The following HTR2A variants were observed in gnomAD, a reference collection of about 807,000 sequenced individuals.
HTR2A encodes 5-hydroxytryptamine receptor 2A.
Under a neutral mutation model 31.0 loss-of-function variants are expected in HTR2A, and 14 were observed. The ratio of observed to expected loss-of-function variants is 0.45; its 90% confidence interval spans 0.30 to 0.71. The LOEUF is 0.71. HTR2A is among the 30% of genes least tolerant of loss of function. The pLI is 0.09. For synonymous variants in HTR2A, 209 were observed against 225.2 expected (o/e 0.93, Z 0.64); for missense variants, 442 against 573.3 (o/e 0.77, Z 2.34).
At chr13:46,872,330 AT>A (rs5803378) in intron 3 of HTR2A, among the ~76,000 whole-genome samples, 25,475 of 152,220 alleles carry the variant, frequency 0.17, 2,364 homozygotes, top group Admixed American at 0.2. Flanking sequence ...TGCATGGTTT[AT>A]TTGACCACTC....
Position 46,896,799 on chromosome 13 carries a change from T to C in HTR2A, c.-454A>G. 6.5e-7 allele frequency: 1 copy of C among 1,537,074 alleles called. No individual in the cohort carries two copies. Among genetic ancestry groups the C allele is most frequent in the Non-Finnish European group, 8.7e-7 (1 of 1,146,828 alleles). ...TTCCACCAGCATAATATGATAGTAATTTGGTTTCTGTTTTGCTGACTTCAA... is the reference window on the plus strand; with the variant it reads ...TTCCACCAGCATAATATGATAGTAACTTGGTTTCTGTTTTGCTGACTTCAA... On this transcript the variant is annotated 5_prime_UTR_variant, in exon 1 of 4. Coordinates refer to ENST00000542664, the MANE Select transcript of HTR2A (RefSeq NM_000621.5).
In HTR2A at chr13:46,895,450, C is replaced by G. The variant is rs533727119; in HGVS notation, c.412+45G>C. 5 of 1,579,640 alleles carry G rather than the reference C, an allele frequency of 3.2e-6. No homozygotes were observed. Among genetic ancestry groups the G allele is most frequent in the African/African-American group, 2.7e-5 (2 of 74,562 alleles). Reference sequence around the variant, plus strand: ...CATCTGCTGGTGGCATGCACATGCTCTTTATTACCAGTGCGAATATAGCTG... The same window carrying G: ...CATCTGCTGGTGGCATGCACATGCTGTTTATTACCAGTGCGAATATAGCTG... On this transcript the variant is annotated intron_variant, in intron 2 of 3. Transcript: ENST00000542664. The surrounding 1 kb of genome is among the most constrained non-coding windows in gnomAD (Gnocchi z 4.4).
At chr13:46,856,732 C>T (rs1434207082) in intron 3 of HTR2A, among the ~76,000 whole-genome samples, 1 of 152,164 alleles carries the variant, frequency 6.6e-6, no homozygotes, top group Non-Finnish European at 1.5e-5. Context: ...AGAGGGTTAT[C>T]GTTATCTAAT....
At chr13:46,848,020 G>A (rs1176793082) in intron 3 of HTR2A, among the ~76,000 whole-genome samples, 1 of 152,066 alleles carries the variant, frequency 6.6e-6, no homozygotes, top group Non-Finnish European at 1.5e-5. Context: ...CAACAGTCTG[G>A]TTGGCTGAGA....
At chr13:46,847,804 T>G (rs952113312) in intron 3 of HTR2A, among the ~76,000 whole-genome samples, 2 of 152,146 alleles carry the variant, frequency 1.3e-5, no homozygotes, top group Non-Finnish European at 2.9e-5. Flanking sequence ...GGGTTTCAGA[T>G]GCACGCCTCT....
chr13:46,835,107 C>T lies in HTR2A; in HGVS notation c.1146G>A (p.Leu382=), dbSNP rs748085068. Residue 382 remains leucine (L), a synonymous_variant, in exon 4 of 4, where the codon CTG becomes CTA. Coordinates refer to ENST00000542664, the MANE Select transcript of HTR2A (RefSeq NM_000621.5). ...SSAVNPLVYT[L]FNKTYRSAFS... is the part of the protein sequence containing the mutation. ...AGGCTGACCTATAGGTCTTGTTGAA[C>T]AGTGTGTAGACTAGTGGGTTGACTG... 8.7e-6 allele frequency: 14 copies of T among 1,613,974 alleles called. No individual in the cohort carries two copies. The East Asian group carries it at 3.1e-4, about 36-fold the overall frequency.
At chr13:46,842,697 T>C (rs1264374133) in intron 3 of HTR2A, among the ~76,000 whole-genome samples, 1 of 152,222 alleles carries the variant, frequency 6.6e-6, no homozygotes, top group Non-Finnish European at 1.5e-5. Flanking sequence ...AATAGTCATA[T>C]GGTGTTCTCT....
At chr13:46,861,027 T>G (rs970492754) in intron 3 of HTR2A, among the ~76,000 whole-genome samples, 2 of 152,228 alleles carry the variant, frequency 1.3e-5, no homozygotes, top group Non-Finnish European at 2.9e-5. Context: ...TACTTAAAAT[T>G]AGACTCACCA....
Position 46,895,970 on chromosome 13 carries a change from C to G in HTR2A, c.-64G>C, listed in dbSNP as rs1951100725. ...ACTAACAGGTTATAGTTTCTGCTCA[C>G]CATTCACCTTGATGTACCCACACTC... is the stretch of plus-strand genomic sequence containing the variant. On this transcript the variant is annotated 5_prime_UTR_variant, in exon 2 of 4. Coordinates refer to ENST00000542664, the MANE Select transcript of HTR2A (RefSeq NM_000621.5). The surrounding 1 kb of genome is among the most constrained non-coding windows in gnomAD (Gnocchi z 4.4). 4 of 1,536,620 alleles carry G rather than the reference C, an allele frequency of 2.6e-6. No homozygotes were observed. Among genetic ancestry groups the G allele is most frequent in the Non-Finnish European group, 3.5e-6 (4 of 1,146,028 alleles).
chr13:46,880,938 G>C (rs973112940), intron 3 of HTR2A, among the ~76,000 whole-genome samples: 2 of 152,150 alleles, frequency 1.3e-5, no homozygotes, highest in Admixed American at 6.5e-5. Context: ...GATCATCTAT[G>C]CTGTGCTAAG....
intron 3 of HTR2A, among the ~76,000 whole-genome samples, chr13:46,874,649 A>G (rs1950892174): frequency 6.6e-6 from 1 of 152,254 alleles, no homozygotes; most frequent in African/African-American, 2.4e-5. Context: ...ATGGAAGGGC[A>G]AGGTTGGTGT....
At chr13:46,860,378 C>T (rs950758285) in intron 3 of HTR2A, among the ~76,000 whole-genome samples, 2 of 152,142 alleles carry the variant, frequency 1.3e-5, no homozygotes, top group African/African-American at 4.8e-5. Context: ...AAAGCAAAAC[C>T]ATAGCCTCAG....
intron 3 of HTR2A, among the ~76,000 whole-genome samples, chr13:46,867,017 ACT>A (rs1444589139): frequency 3.9e-5 from 6 of 152,122 alleles, no homozygotes; most frequent in East Asian, 1.9e-4. Context: ...CAAGAGTGAA[ACT>A]CTGTCTCAAA....
At chr13:46,869,936 ATTTG>A (rs1950852200) in intron 3 of HTR2A, among the ~76,000 whole-genome samples, 4 of 152,126 alleles carry the variant, frequency 2.6e-5, no homozygotes, top group Admixed American at 1.3e-4. Flanking sequence ...TGGTTACAGA[ATTTG>A]TTTGTGAAGG....
Position 46,863,650 on chromosome 13 carries a change from G to GA in HTR2A, c.614-28012dup, listed in dbSNP as rs1186874509. ...AAAATGAAAAAAAAAAAAAAAAAAA[G>GA]AAAAAAAAAAAAGACAGTCATATGA... On this transcript the variant is annotated intron_variant, in intron 3 of 3. Coordinates refer to ENST00000542664, the MANE Select transcript of HTR2A (RefSeq NM_000621.5). Among the ~76,000 whole-genome samples, 8 of 51,894 alleles carry GA rather than the reference G, an allele frequency of 1.5e-4. 1 individual carries two copies. Among genetic ancestry groups the GA allele is most frequent in the African/African-American group, 5.9e-4 (8 of 13,602 alleles). 34.0% of individuals were successfully genotyped at this position (51,894 alleles called of 152,430 possible).
chr13:46,871,209 C>CA (rs1486776933), intron 3 of HTR2A, among the ~76,000 whole-genome samples: 1 of 152,226 alleles, frequency 6.6e-6, no homozygotes, highest in Admixed American at 6.5e-5. Context: ...AGAATTACTT[C>CA]AACTTATCAG....
intron 3 of HTR2A, among the ~76,000 whole-genome samples, chr13:46,837,989 A>G (rs967147938): frequency 4.6e-5 from 7 of 152,196 alleles, no homozygotes; most frequent in African/African-American, 1.4e-4. Flanking sequence ...TTCCTGGCCC[A>G]TTGTTTGCAA....
chr13:46,845,256 T>C (rs938160677), intron 3 of HTR2A, among the ~76,000 whole-genome samples: 1 of 152,052 alleles, frequency 6.6e-6, no homozygotes, highest in Non-Finnish European at 1.5e-5. Flanking sequence ...GGCTCATTGT[T>C]GGTTGGCATC....
In HTR2A at chr13:46,877,168, C is replaced by T. The variant is rs555108286; in HGVS notation, c.613+15222G>A. On this transcript the variant is annotated intron_variant, in intron 3 of 3. Transcript: ENST00000542664. ...CTGTACCCTTTCTTATATATATTTT[C>T]CAAAAGCATCCAATTTAAAGAACAA... 1.3e-5 allele frequency among the ~76,000 whole-genome samples: 2 copies of T among 152,100 alleles called. 1 individual carries two copies. Among genetic ancestry groups the T allele is most frequent in the South Asian group, 4.2e-4 (2 of 4,808 alleles).
Sources: allele counts gnomAD v4.1 joint callset (sites outside exome capture counted in the v4.1 genomes callset), GRCh38; gene constraint gnomAD v4.1.1; non-coding constraint Gnocchi (gnomAD v3.1); transcripts MANE v1.5; gene names NCBI Gene and HGNC (gene_info 2026-07-23, HGNC 2026-07-21).